Variants in MOGAT1 observed in about 807,000 individuals in gnomAD.
The protein encoded by MOGAT1 is monoacylglycerol O-acyltransferase 1, also known as 2-acylglycerol O-acyltransferase 1.
A neutral mutation model predicts 31.4 loss-of-function variants in MOGAT1; 32 were observed. The ratio of observed to expected loss-of-function variants is 1.02; its 90% CI spans 0.77 to 1.37. MOGAT1 has a LOEUF of 1.37. MOGAT1 is among the 40% of genes most tolerant of loss of function. The pLI is 0.00. For synonymous variants in MOGAT1, 145 were observed against 144.5 expected (o/e 1.00, Z -0.03); for missense variants, 426 against 402.0 (o/e 1.06, Z -0.51).
At chr2:222,692,046 A>C (rs1281050757) in intron 3 of MOGAT1, among the ~76,000 whole-genome samples, 4 of 152,210 alleles carry the variant, frequency 2.6e-5, no homozygotes, top group Non-Finnish European at 5.9e-5. Context: ...TTTATTTTGT[A>C]GATAAGCCAT....
intron 1 of MOGAT1, among the ~76,000 whole-genome samples, chr2:222,686,397 A>G (rs575815195): frequency 6.6e-6 from 1 of 152,332 alleles, no homozygotes; most frequent in African/African-American, 2.4e-5. Context: ...CTCAATAACT[A>G]TTCTTTCCCT....
chr2:222,684,717 C>T (rs1412117519), intron 1 of MOGAT1, among the ~76,000 whole-genome samples: 1 of 152,046 alleles, frequency 6.6e-6, no homozygotes, highest in Non-Finnish European at 1.5e-5. Context: ...GCTGGGATTA[C>T]AGGTGCCTGC....
intron 5 of MOGAT1, among the ~76,000 whole-genome samples, chr2:222,706,097 C>T (rs1693000667): frequency 6.6e-6 from 1 of 152,144 alleles, no homozygotes; most frequent in Admixed American, 6.5e-5. Context: ...GAACTTTCAG[C>T]TCCTCACTTT....
At chr2:222,686,819 G>T (rs1018667526) in intron 1 of MOGAT1, among the ~76,000 whole-genome samples, 27 of 152,070 alleles carry the variant, frequency 1.8e-4, no homozygotes, top group African/African-American at 6.5e-4. Flanking sequence ...TATGTATCAA[G>T]AAATATAAAT....
intron 5 of MOGAT1, among the ~76,000 whole-genome samples, chr2:222,701,462 A>G (rs928857394): frequency 4.0e-5 from 6 of 150,468 alleles, no homozygotes; most frequent in Non-Finnish European, 8.9e-5. Flanking sequence ...GAAGGAAGGA[A>G]AAAGAAAGAA....
At position 222,672,889 on chromosome 2, in the gene MOGAT1, TTTATTATTATTATTA is replaced by T. The variant is rs58396282; in HGVS notation, c.94+1033_94+1047del. On this transcript the variant is annotated intron_variant, in intron 1 of 5. Transcript: ENST00000446656. ...TGCCCAGGCTCCATCCTGGAATTTG[TTTATTATTATTATTA>T]TTATTATTATTATTATTATTATCTT... Among the ~76,000 whole-genome samples the T allele has an allele frequency of 8.6e-5, 12 of 139,224 alleles. No individual in the cohort carries two copies. The South Asian group carries it at 9.3e-4, about 11-fold the overall frequency. 91.3% of individuals were successfully genotyped at this position (139,224 alleles called of 152,430 possible). A position where few individuals can be genotyped will look rare whatever the true frequency, so the allele number is the denominator to read the frequency against.
intron 4 of MOGAT1, 54 bp from the exon 5 acceptor site, chr2:222,695,035 A>G: frequency 7.1e-7 from 1 of 1,400,774 alleles, no homozygotes; most frequent in South Asian, 1.5e-5. Flanking sequence ...AACAGAATAA[A>G]TTATTTGAAT....
intron 5 of MOGAT1, among the ~76,000 whole-genome samples, chr2:222,707,248 A>G (rs1693015182): frequency 6.7e-6 from 1 of 150,334 alleles, no homozygotes; most frequent in Non-Finnish European, 1.5e-5. Flanking sequence ...GGGAGGGGAA[A>G]GAAAGAGAAA....
At chr2:222,679,103 A>G (rs555880482) in intron 1 of MOGAT1, among the ~76,000 whole-genome samples, 1 of 152,276 alleles carries the variant, frequency 6.6e-6, no homozygotes, top group East Asian at 1.9e-4. Context: ...TTTTCTGCAT[A>G]TATATAATCC....
intron 2 of MOGAT1, 120 bp from the exon 3 acceptor site, chr2:222,689,145 A>C (rs989456077): frequency 6.8e-6 from 6 of 876,442 alleles, no homozygotes; most frequent in Non-Finnish European, 1.0e-5. Flanking sequence ...CAACCCAGGG[A>C]ACAAAAATGA....
In MOGAT1 at chr2:222,694,469, C is replaced by T. The variant is rs200325569; in HGVS notation, c.586C>T (p.His196Tyr). 98 of 1,613,772 alleles carry T rather than the reference C, an allele frequency of 6.1e-5. No homozygotes were observed. The highest frequency in any genetic ancestry group is 7.9e-5 in the Non-Finnish European group (93 of 1,179,854). ...GGGTGCAAAAGAATCACTGGATGCTCATCCTGGAAAGTTCACTCTGTTCAT... is the reference window on the plus strand; with the variant it reads ...GGGTGCAAAAGAATCACTGGATGCTTATCCTGGAAAGTTCACTCTGTTCAT... ...LGGAKESLDA[H>Y]PGKFTLFIRQ... The change falls in exon 4 of 6, where the codon CAT (histidine) becomes TAT (tyrosine). Residue 196 changes from histidine (H) to tyrosine (Y), a missense_variant. By Grantham distance (83) the His-to-Tyr change is moderately conservative. Coordinates refer to ENST00000446656, the MANE Select transcript of MOGAT1 (RefSeq NM_058165.3).
rs142664913 is a variant in MOGAT1, at chr2:222,672,856, A to C, written c.94+977A>C. 2.3e-3 allele frequency among the ~76,000 whole-genome samples: 341 copies of C among 151,252 alleles called. 2 individuals are homozygous for C. Among genetic ancestry groups the C allele is most frequent in the Middle Eastern group, 0.01 (3 of 290 alleles). On this transcript the variant is annotated intron_variant, in intron 1 of 5. Transcript: ENST00000446656. Reference sequence around the variant, plus strand: ...AGAATCACTGGAGAAGCTTCTAAAAAGTGCAGATGCCCAGGCTCCATCCTG... The same window carrying C: ...AGAATCACTGGAGAAGCTTCTAAAACGTGCAGATGCCCAGGCTCCATCCTG...
chr2:222,681,744 G>A (rs547644911), intron 1 of MOGAT1, among the ~76,000 whole-genome samples: 113 of 152,258 alleles, frequency 7.4e-4, no homozygotes, highest in African/African-American at 2.3e-3. Context: ...TGTCTCATTA[G>A]AAGAAAAGAC....
At chr2:222,704,134 T>C (rs974215760) in intron 5 of MOGAT1, among the ~76,000 whole-genome samples, 5 of 152,230 alleles carry the variant, frequency 3.3e-5, no homozygotes, top group African/African-American at 4.8e-5. Flanking sequence ...GGCAGCTTTT[T>C]TTCCAGGGCA....
chr2:222,692,181 C>T (rs191518107), intron 3 of MOGAT1, among the ~76,000 whole-genome samples: 4 of 152,170 alleles, frequency 2.6e-5, no homozygotes, highest in Admixed American at 6.5e-5. Flanking sequence ...ATGATGGAAG[C>T]GGCCTGTTGA....
rs200261124 is a variant in MOGAT1, at chr2:222,709,899, T to TA, written c.*18dup. The TA allele has an allele frequency of 6.8e-3, 10,528 of 1,540,240 alleles. 42 individuals are homozygous for TA. Among genetic ancestry groups the TA allele is most frequent in the African/African-American group, 0.018 (1,283 of 71,124 alleles). ...CTCTTGTTTTAAAATGACTTGACTA[T>TA]AAAAAAAAATTAAAAAATAAAAATA... is the stretch of plus-strand genomic sequence containing the variant. On this transcript the variant is annotated 3_prime_UTR_variant, in exon 6 of 6. Transcript: ENST00000446656.
intron 5 of MOGAT1, among the ~76,000 whole-genome samples, chr2:222,704,573 G>A (rs1692976224): frequency 1.3e-5 from 2 of 151,834 alleles, no homozygotes; most frequent in East Asian, 1.9e-4. Context: ...GCAGTGAGCC[G>A]AGATCGCGCC....
At chr2:222,686,086 T>C (rs768320807) in intron 1 of MOGAT1, among the ~76,000 whole-genome samples, 1 of 152,222 alleles carries the variant, frequency 6.6e-6, no homozygotes, top group African/African-American at 2.4e-5. Flanking sequence ...AGTTTTTCCA[T>C]CTTTGTAGAA....
rs75232155 is a variant in MOGAT1, at chr2:222,682,328, G to A, written c.95-6016G>A. On this transcript the variant is annotated intron_variant, in intron 1 of 5. Coordinates refer to ENST00000446656, the MANE Select transcript of MOGAT1 (RefSeq NM_058165.3). ...GATATGATAATCTTATTTAATATATGGTTTATATTCAAATTTCCCTCATCG... is the reference window on the plus strand; with the variant it reads ...GATATGATAATCTTATTTAATATATAGTTTATATTCAAATTTCCCTCATCG... Among the ~76,000 whole-genome samples the A allele has an allele frequency of 9.5e-3, 1,446 of 152,178 alleles. 26 individuals carry two copies. The highest frequency in any genetic ancestry group is 0.033 in the African/African-American group (1,382 of 41,528).
Sources: gnomAD v4.1 joint callset for allele counts (sites outside exome capture counted in the v4.1 genomes callset) on GRCh38, gnomAD v4.1.1 for gene constraint, MANE v1.5 for transcripts, NCBI Gene and HGNC (gene_info 2026-07-23, HGNC 2026-07-21) for gene names.